EHMT1: variants seen among roughly 807,000 people sequenced by gnomAD.
EHMT1 encodes the protein histone-lysine N-methyltransferase EHMT1.
EHMT1 carries 15 observed loss-of-function variants against 147.2 expected under a neutral mutation model. The ratio of observed to expected loss-of-function variants is 0.10; its 90% CI spans 0.07 to 0.16. The LOEUF (loss-of-function observed/expected upper bound fraction) is 0.16. Among genes scored for constraint, EHMT1 ranks in the 10% least tolerant of loss-of-function variants. The probability of loss-of-function intolerance (pLI) is 1.00; values close to 1 mark genes in which losing one functional copy is unlikely to be tolerated. For synonymous variants in EHMT1, 795 were observed against 709.6 expected, an observed-to-expected ratio of 1.12 and a Z score of -1.91; for missense variants, 1,587 against 1,772.4, an observed-to-expected ratio of 0.90 and a Z score of 1.88.
At chr9:137,689,092 C>T (rs1235380010) in intron 1 of EHMT1, among the ~76,000 whole-genome samples, 1 of 152,192 alleles carries the variant, frequency 6.6e-6, no homozygotes, top group Non-Finnish European at 1.5e-5. Context: ...CCAGGAGTGA[C>T]TGATTGTGAC....
chr9:137,717,658 C>G (rs539094806), intron 3 of EHMT1, among the ~76,000 whole-genome samples: 13 of 149,440 alleles, frequency 8.7e-5, no homozygotes, highest in African/African-American at 3.2e-4. Context: ...GCGTGAGTGA[C>G]AAAGCGGAGT....
At chr9:137,720,734 G>C (rs552265906) in intron 3 of EHMT1, among the ~76,000 whole-genome samples, 6 of 152,284 alleles carry the variant, frequency 3.9e-5, no homozygotes, top group Admixed American at 2.0e-4. Flanking sequence ...CTGAGGCCTT[G>C]GTGTTCTGTG....
chr9:137,694,204 C>T (rs1203351272), intron 1 of EHMT1, among the ~76,000 whole-genome samples: 13 of 131,278 alleles, frequency 9.9e-5, no homozygotes, highest in Non-Finnish European at 1.1e-4. Context: ...TGGTGCTGGA[C>T]GCTGGCCGAT....
intron 1 of EHMT1, among the ~76,000 whole-genome samples, chr9:137,671,733 G>A (rs573724944): frequency 6.6e-6 from 1 of 151,986 alleles, no homozygotes; most frequent in Non-Finnish European, 1.5e-5. Flanking sequence ...TTGCCGTGTT[G>A]CCCAGGCTGA....
chr9:137,744,182 C>A lies in EHMT1; in HGVS notation c.1170+92C>A, dbSNP rs183964747. 5.1e-6 allele frequency: 7 copies of A among 1,381,126 alleles called. No homozygotes were observed. In the East Asian group the frequency reaches 9.4e-5, roughly 19 times the overall value. 85.6% of individuals were successfully genotyped at this position (1,381,126 alleles called of 1,614,324 possible). Reference sequence around the variant, plus strand: ...AATTAACAGTCTGGTCACTTCTAGACCCTGATAAAATCCCCTGTTTACAAT... The same window carrying A: ...AATTAACAGTCTGGTCACTTCTAGAACCTGATAAAATCCCCTGTTTACAAT... On this transcript the variant is annotated intron_variant, in intron 6 of 26. Coordinates refer to ENST00000460843, the MANE Select transcript of EHMT1 (RefSeq NM_024757.5).
Position 137,775,743 on chromosome 9 carries a change from C to T in EHMT1, c.1791+491C>T, listed in dbSNP as rs531930532. Among the ~76,000 whole-genome samples, 3 of 152,140 alleles carry T rather than the reference C, an allele frequency of 2.0e-5. No individual in the cohort carries two copies. The highest frequency in any genetic ancestry group is 3.9e-4 in the East Asian group (2 of 5,110). On this transcript the variant is annotated intron_variant, in intron 11 of 26. Coordinates refer to ENST00000460843, the MANE Select transcript of EHMT1 (RefSeq NM_024757.5). The surrounding 1 kb of genome is among the most constrained non-coding windows in gnomAD (Gnocchi z 6.1). The stretch of plus-strand genomic sequence containing the variant: ...GGAGAGGTGGCAGCACCTTGCTGTG[C>T]CCTGGGCTGTTTCTGCTGGGATCTT...
At chr9:137,630,165 A>G (rs1170559202) in intron 1 of EHMT1, among the ~76,000 whole-genome samples, 1 of 152,224 alleles carries the variant, frequency 6.6e-6, no homozygotes, top group Non-Finnish European at 1.5e-5. Flanking sequence ...TTCTGATCAC[A>G]GTATATTTAA....
intron 1 of EHMT1, among the ~76,000 whole-genome samples, chr9:137,649,840 GATAAAA>G (rs1283001048): frequency 6.6e-6 from 1 of 152,166 alleles, no homozygotes; most frequent in African/African-American, 2.4e-5. Context: ...ACTGCGAAAA[GATAAAA>G]ATAAATTTAG....
At chr9:137,670,099 A>T (rs1279922427) in intron 1 of EHMT1, among the ~76,000 whole-genome samples, 2 of 152,106 alleles carry the variant, frequency 1.3e-5, no homozygotes, top group African/African-American at 2.4e-5. Context: ...GCCTCAAGTG[A>T]TCCGCCTGCC....
At chr9:137,739,054 G>T (rs1286539737) in intron 4 of EHMT1, among the ~76,000 whole-genome samples, 1 of 151,068 alleles carries the variant, frequency 6.6e-6, no homozygotes, top group East Asian at 1.9e-4. Context: ...TAAATTTTGT[G>T]GTGTGTGTAT....
At chr9:137,789,993 G>A (rs940971397) in intron 15 of EHMT1, among the ~76,000 whole-genome samples, 1 of 152,262 alleles carries the variant, frequency 6.6e-6, no homozygotes, top group Non-Finnish European at 1.5e-5. Flanking sequence ...GCCTCCCAAA[G>A]TGCTGGGATG....
intron 6 of EHMT1, among the ~76,000 whole-genome samples, chr9:137,751,898 CTG>C (rs1948999591): frequency 6.6e-6 from 1 of 152,110 alleles, no homozygotes; most frequent in Non-Finnish European, 1.5e-5. Context: ...AGGTCTCACA[CTG>C]TGTATTGTTT....
chr9:137,797,161 C>T (rs1324715420), intron 16 of EHMT1, among the ~76,000 whole-genome samples: 1 of 151,982 alleles, frequency 6.6e-6, no homozygotes, highest in Non-Finnish European at 1.5e-5. Context: ...GTGGGGTGTC[C>T]CTTGGGTGGG....
rs1223136128 is a variant in EHMT1, at chr9:137,636,852, C to CT, written c.21+17808dup. ...GTATTATGTTGGTCTGTAGGTACCT[C>CT]TTTTTAAAAAAAATTTATTATTTTT... is the stretch of plus-strand genomic sequence containing the variant. On this transcript the variant is annotated intron_variant, in intron 1 of 26. Transcript: ENST00000460843. Among the ~76,000 whole-genome samples the CT allele has an allele frequency of 3.5e-5, 5 of 142,022 alleles. No individual in the cohort carries two copies. The South Asian group carries it at 9.0e-4, about 25-fold the overall frequency. 93.2% of individuals were successfully genotyped at this position (142,022 alleles called of 152,430 possible). A position where few individuals can be genotyped will look rare whatever the true frequency, so the allele number is the denominator to read the frequency against.
intron 15 of EHMT1, chr9:137,784,467 C>T (rs150970002): frequency 2.1e-5 from 23 of 1,076,858 alleles, no homozygotes; most frequent in Non-Finnish European, 2.5e-5. Context: ...TCGATTTTGC[C>T]GTTTCTCTTC....
chr9:137,676,746 G>A lies in EHMT1; in HGVS notation c.22-34221G>A, dbSNP rs1027703918. On this transcript the variant is annotated intron_variant, in intron 1 of 26. Coordinates refer to ENST00000460843, the MANE Select transcript of EHMT1 (RefSeq NM_024757.5). Reference sequence around the variant, plus strand: ...CCACAGGGGACTGGAGCCCACATGCGCACTGGGGGAAGTGGGTGGGGTCAC... The same window carrying A: ...CCACAGGGGACTGGAGCCCACATGCACACTGGGGGAAGTGGGTGGGGTCAC... Among the ~76,000 whole-genome samples the A allele has an allele frequency of 2.0e-5, 3 of 152,318 alleles. No homozygotes were observed. The East Asian group carries it at 5.8e-4, about 29-fold the overall frequency.
intron 13 of EHMT1, among the ~76,000 whole-genome samples, chr9:137,778,528 G>C (rs1235122167): frequency 6.6e-6 from 1 of 152,226 alleles, no homozygotes; most frequent in Non-Finnish European, 1.5e-5. Context: ...GACTGTGGCA[G>C]TGAGGCTTGC....
rs146905719 is a variant in EHMT1, at chr9:137,776,696, G to A, written c.1870G>A (p.Ala624Thr). The A allele has an allele frequency of 1.4e-5, 22 of 1,613,822 alleles. 1 individual carries two copies. Among genetic ancestry groups the A allele is most frequent in the South Asian group, 4.4e-5 (4 of 91,088 alleles). The change falls in exon 12 of 27, where the codon GCC becomes ACC. Residue 624 changes from alanine (A) to threonine (T), a missense_variant. Ala to Thr is a moderately conservative substitution (Grantham distance 58, BLOSUM62 0). This residue lies in a region of EHMT1 where 124 missense variants were observed against 197.8 expected (regional missense o/e 0.63). Coordinates refer to ENST00000460843, the MANE Select transcript of EHMT1 (RefSeq NM_024757.5). The surrounding 1 kb of genome is among the most constrained non-coding windows in gnomAD (Gnocchi z 4.4). ...AGACTGTGCCTCTCGAGTCAATAACGCCAGCTATTGTCCCCACTGTGGGGA... is the reference window on the plus strand; with the variant it reads ...AGACTGTGCCTCTCGAGTCAATAACACCAGCTATTGTCCCCACTGTGGGGA... The part of the protein sequence containing the change: ...HKDCASRVNN[A>T]SYCPHCGEES...
intron 25 of EHMT1, 115 bp downstream of exon 25, chr9:137,818,253 G>T (rs1462846634): frequency 1.7e-6 from 2 of 1,208,522 alleles, no homozygotes; most frequent in Non-Finnish European, 2.4e-6. Flanking sequence ...GACAAGAGTG[G>T]GCTTGCTATA....
Sources: allele counts gnomAD v4.1 joint callset (sites outside exome capture counted in the v4.1 genomes callset), GRCh38; gene constraint gnomAD v4.1.1; regional missense constraint gnomAD v4.1.1; non-coding constraint Gnocchi (gnomAD v3.1); transcripts MANE v1.5; gene names NCBI Gene and HGNC (gene_info 2026-07-23, HGNC 2026-07-21).